The following DLG2 variants were observed in gnomAD, a reference collection of about 807,000 sequenced individuals.
DLG2 encodes disks large homolog 2.
In DLG2, 45 loss-of-function variants were observed where a neutral mutation model predicts 132.5. The observed-to-expected ratio is 0.34, with a 90% CI of 0.27 to 0.44. The LOEUF is 0.44. Ranked by LOEUF, DLG2 falls within the 20% of genes least tolerant of loss-of-function variation. The probability of loss-of-function intolerance (pLI) is 1.00; values close to 1 mark genes in which losing one functional copy is unlikely to be tolerated. For synonymous variants in DLG2, 424 were observed against 419.6 expected (o/e 1.01, Z -0.13); for missense variants, 1,045 against 1,196.9 (o/e 0.87, Z 1.87).
intron 6 of DLG2, among the ~76,000 whole-genome samples, chr11:85,047,077 G>C (rs572321871): frequency 3.9e-4 from 60 of 151,990 alleles, no homozygotes; most frequent in African/African-American, 1.4e-3. Flanking sequence ...ACAAATGTAG[G>C]TGAGTTCTAT....
intron 7 of DLG2, among the ~76,000 whole-genome samples, chr11:84,321,299 C>A (rs527343272): frequency 6.6e-6 from 1 of 152,184 alleles, no homozygotes; most frequent in African/African-American, 2.4e-5. Flanking sequence ...ACTGGTCTCT[C>A]GCATACACCC....
chr11:83,545,028 C>A (rs2096200905), intron 19 of DLG2, among the ~76,000 whole-genome samples: 1 of 152,092 alleles, frequency 6.6e-6, no homozygotes, highest in African/African-American at 2.4e-5. Context: ...TTTCTTATCC[C>A]CAAAGTCCTT....
chr11:85,276,434 C>G (rs1392363246), intron 4 of DLG2, among the ~76,000 whole-genome samples: 1 of 152,122 alleles, frequency 6.6e-6, no homozygotes, highest in Non-Finnish European at 1.5e-5. Context: ...CCTAACCATT[C>G]TCTCCGGTCT....
At chr11:85,487,128 A>G (rs1156743475) in intron 3 of DLG2, among the ~76,000 whole-genome samples, 1 of 151,932 alleles carries the variant, frequency 6.6e-6, no homozygotes, top group African/African-American at 2.4e-5. Flanking sequence ...CAATGTATAT[A>G]CAAGATATAT....
chr11:84,604,557 T>C (rs748426563), intron 6 of DLG2, among the ~76,000 whole-genome samples: 2 of 151,994 alleles, frequency 1.3e-5, no homozygotes, highest in Non-Finnish European at 2.9e-5. Flanking sequence ...TCAGGCAGTG[T>C]TCTAAGTGCT....
At chr11:84,866,740 T>G (rs996930271) in intron 6 of DLG2, among the ~76,000 whole-genome samples, 4 of 152,224 alleles carry the variant, frequency 2.6e-5, no homozygotes, top group Non-Finnish European at 4.4e-5. Flanking sequence ...ATTTAATCTT[T>G]ATTATAATCC....
intron 6 of DLG2, among the ~76,000 whole-genome samples, chr11:84,823,351 C>T (rs888077422): frequency 6.6e-6 from 1 of 151,682 alleles, no homozygotes; most frequent in Admixed American, 6.6e-5. Context: ...GAGTTTGTCT[C>T]TTACTGTGTT....
chr11:83,657,787 G>A (rs903295265), intron 18 of DLG2, among the ~76,000 whole-genome samples: 3 of 152,028 alleles, frequency 2.0e-5, no homozygotes, highest in South Asian at 2.1e-4. Flanking sequence ...TGATCCGCCC[G>A]CCTTGGCCTC....
At chr11:85,603,442 G>T (rs973147025) in intron 2 of DLG2, among the ~76,000 whole-genome samples, 7 of 151,912 alleles carry the variant, frequency 4.6e-5, no homozygotes, top group African/African-American at 1.7e-4. Flanking sequence ...AGTGCCCAAA[G>T]CTTTAGTCTT....
intron 16 of DLG2, among the ~76,000 whole-genome samples, chr11:83,852,765 A>G (rs1434748853): frequency 6.6e-6 from 1 of 152,212 alleles, no homozygotes; most frequent in South Asian, 2.1e-4. Context: ...GAGGCTTTAC[A>G]TAACAATTAG....
In DLG2 at chr11:85,020,996, C is replaced by T. The variant is rs188098408; in HGVS notation, c.357+90665G>A. ...AGCTGCTGCTCTGCTCCTCTTCTGACTTATTATTCATATCTACTGCTTGTT... is the reference window on the plus strand; with the variant it reads ...AGCTGCTGCTCTGCTCCTCTTCTGATTTATTATTCATATCTACTGCTTGTT... On this transcript the variant is annotated intron_variant, in intron 6 of 27. Transcript: ENST00000376104. The T allele has an allele frequency of 1.1e-3, 837 of 777,952 alleles. 3 individuals are homozygous for T. The highest frequency in any genetic ancestry group is 9.2e-4 in the Non-Finnish European group (388 of 419,706). The allele number at this position is 777,952 out of a possible 1,614,324, so 48.2% of individuals were successfully genotyped here.
At chr11:84,542,210 G>A (rs1317577289) in intron 6 of DLG2, among the ~76,000 whole-genome samples, 1 of 152,122 alleles carries the variant, frequency 6.6e-6, no homozygotes, top group African/African-American at 2.4e-5. Context: ...ATGTTTGTGT[G>A]CACATGAATA....
Position 85,217,173 on chromosome 11 carries a change from T to A in DLG2, c.187-62522A>T, listed in dbSNP as rs192202135. 4.5e-3 allele frequency among the ~76,000 whole-genome samples: 685 copies of A among 152,104 alleles called. 6 individuals carry two copies. The highest frequency in any genetic ancestry group is 7.5e-3 in the Non-Finnish European group (509 of 68,006). ...CCAAAAGATAAAATTATAATTTTTT[T>A]AAAAAAAGGAACAGAACTATGATAT... On this transcript the variant is annotated intron_variant, in intron 4 of 27. Coordinates refer to ENST00000376104, the MANE Select transcript of DLG2 (RefSeq NM_001142699.3).
intron 19 of DLG2, among the ~76,000 whole-genome samples, chr11:83,564,868 T>C (rs1330220576): frequency 1.3e-5 from 2 of 152,080 alleles, no homozygotes; most frequent in African/African-American, 4.8e-5. Context: ...TTTTCTGCAC[T>C]GATTGGATCA....
intron 7 of DLG2, among the ~76,000 whole-genome samples, chr11:84,446,847 C>T (rs933516475): frequency 6.6e-6 from 1 of 152,070 alleles, no homozygotes; most frequent in Admixed American, 6.5e-5. Flanking sequence ...ACCCTAAATG[C>T]CTTTATTGAG....
intron 6 of DLG2, among the ~76,000 whole-genome samples, chr11:85,108,538 A>G (rs2072180753): frequency 3.1e-5 from 3 of 97,456 alleles, no homozygotes; most frequent in African/African-American, 1.0e-4. Context: ...TGTTAATTGT[A>G]GAGTTAACCG....
chr11:85,094,211 T>C (rs943038939), intron 6 of DLG2, among the ~76,000 whole-genome samples: 19 of 152,172 alleles, frequency 1.2e-4, no homozygotes, highest in Admixed American at 1.2e-3. Context: ...TTCTAGAAAA[T>C]AGGCAGAGTA....
At chr11:83,960,121 C>G (rs1418393938) in intron 14 of DLG2, among the ~76,000 whole-genome samples, 1 of 151,960 alleles carries the variant, frequency 6.6e-6, no homozygotes, top group Non-Finnish European at 1.5e-5. Flanking sequence ...CAATCTATCC[C>G]ACTACCACAA....
At chr11:84,868,513 T>A (rs929868010) in intron 6 of DLG2, among the ~76,000 whole-genome samples, 2 of 152,140 alleles carry the variant, frequency 1.3e-5, no homozygotes, top group African/African-American at 4.8e-5. Flanking sequence ...AATAACTCCC[T>A]GTAGATTTGG....
Sources: gnomAD v4.1 joint callset for allele counts (sites outside exome capture counted in the v4.1 genomes callset) on GRCh38, gnomAD v4.1.1 for gene constraint, MANE v1.5 for transcripts, NCBI Gene and HGNC (gene_info 2026-07-23, HGNC 2026-07-21) for gene names.